Variants in SLC9A9 observed in about 807,000 individuals in gnomAD.
The protein encoded by SLC9A9 is solute carrier family 9 member A9.
In SLC9A9, 62 loss-of-function variants were observed where a neutral mutation model predicts 77.8. The ratio of observed to expected loss-of-function variants is 0.80; its 90% CI spans 0.65 to 0.98. The LOEUF is 0.98. Among genes scored for constraint, SLC9A9 ranks in the 50% least tolerant of loss-of-function variants. SLC9A9 has a pLI of 0.00. For synonymous variants in SLC9A9, 320 were observed against 283.5 expected, an observed-to-expected ratio of 1.13 and a Z score of -1.29; for missense variants, 775 against 774.9, an observed-to-expected ratio of 1.00 and a Z score of 0.00.
intron 12 of SLC9A9, among the ~76,000 whole-genome samples, chr3:143,402,360 A>G (rs756824492): frequency 6.6e-6 from 1 of 152,140 alleles, no homozygotes; most frequent in Non-Finnish European, 1.5e-5. Context: ...ATAACAATGT[A>G]AAGTGAACTT....
At chr3:143,326,703 A>T (rs1285852307) in intron 14 of SLC9A9, among the ~76,000 whole-genome samples, 1 of 152,146 alleles carries the variant, frequency 6.6e-6, no homozygotes, top group Admixed American at 6.5e-5. Flanking sequence ...GCAAATAAGG[A>T]TCATACTGTG....
At chr3:143,802,419 C>A (rs13072218) in intron 2 of SLC9A9, among the ~76,000 whole-genome samples, 4 of 152,032 alleles carry the variant, frequency 2.6e-5, no homozygotes, top group African/African-American at 9.6e-5. Context: ...AGCTCAGGGA[C>A]TTGCCCCTGC....
intron 13 of SLC9A9, chr3:143,371,936 G>C: frequency 2.7e-6 from 1 of 373,440 alleles, no homozygotes; most frequent in Non-Finnish European, 5.3e-6. Context: ...ACCAAGCTGA[G>C]AATCAAATCA....
At chr3:143,667,111 A>T (rs1002384594) in intron 5 of SLC9A9, among the ~76,000 whole-genome samples, 50 of 152,254 alleles carry the variant, frequency 3.3e-4, no homozygotes, top group Non-Finnish European at 6.0e-4. Context: ...CTAAAACAGC[A>T]TGGTACTGGT....
At chr3:143,654,529 C>T (rs191461994) in intron 5 of SLC9A9, among the ~76,000 whole-genome samples, 114 of 152,350 alleles carry the variant, frequency 7.5e-4, no homozygotes, top group Admixed American at 4.0e-3. Context: ...TAAGTAATCT[C>T]TTTCTCCTTT....
intron 4 of SLC9A9, among the ~76,000 whole-genome samples, chr3:143,703,836 A>C (rs940708754): frequency 3.9e-5 from 6 of 152,164 alleles, no homozygotes; most frequent in African/African-American, 1.4e-4. Context: ...AAAAAAGAGA[A>C]TGAAGACTCA....
chr3:143,827,278 G>C (rs145198208), intron 2 of SLC9A9, among the ~76,000 whole-genome samples: 1 of 151,240 alleles, frequency 6.6e-6, no homozygotes, highest in Non-Finnish European at 1.5e-5. Flanking sequence ...TTTGACAAAT[G>C]GTGGTGGAAA....
At chr3:143,336,545 A>G (rs2031930038) in intron 14 of SLC9A9, among the ~76,000 whole-genome samples, 1 of 152,184 alleles carries the variant, frequency 6.6e-6, no homozygotes, top group African/African-American at 2.4e-5. Context: ...AATACATACA[A>G]TAGGATATTC....
At chr3:143,480,315 G>A (rs2035552548) in intron 11 of SLC9A9, among the ~76,000 whole-genome samples, 1 of 152,166 alleles carries the variant, frequency 6.6e-6, no homozygotes, top group South Asian at 2.1e-4. Context: ...CAAGTGTATG[G>A]GGCAGGCCAC....
chr3:143,529,570 T>C (rs2036468988), intron 9 of SLC9A9, among the ~76,000 whole-genome samples: 1 of 152,106 alleles, frequency 6.6e-6, no homozygotes, highest in South Asian at 2.1e-4. Flanking sequence ...AGCAGGGATT[T>C]TTACTCAAGA....
chr3:143,765,093 CTTTCTTTCTTTCCCTCTT>C (rs1452177506), intron 4 of SLC9A9, among the ~76,000 whole-genome samples: 1 of 144,126 alleles, frequency 6.9e-6, no homozygotes, highest in African/African-American at 2.6e-5. Context: ...TTCTTTCTCT[CTTTCTTTCTTTCCCTCTT>C]TTTCTTTCTT....
intron 12 of SLC9A9, among the ~76,000 whole-genome samples, chr3:143,416,859 G>T (rs192149642): frequency 1.3e-5 from 2 of 152,124 alleles, no homozygotes; most frequent in East Asian, 3.8e-4. Context: ...GCATTCGCAC[G>T]TATATACATA....
At chr3:143,341,302 G>A (rs2032090717) in intron 14 of SLC9A9, among the ~76,000 whole-genome samples, 1 of 152,082 alleles carries the variant, frequency 6.6e-6, no homozygotes, top group Non-Finnish European at 1.5e-5. Context: ...CTGAGATGGG[G>A]TCGGTTTGGG....
At chr3:143,479,635 T>G (rs1180563400) in intron 11 of SLC9A9, among the ~76,000 whole-genome samples, 1 of 152,124 alleles carries the variant, frequency 6.6e-6, no homozygotes, top group Non-Finnish European at 1.5e-5. Context: ...TGATTGTCCT[T>G]AAATGGAGGG....
At chr3:143,411,258 T>C (rs1280742231) in intron 12 of SLC9A9, among the ~76,000 whole-genome samples, 2 of 152,194 alleles carry the variant, frequency 1.3e-5, no homozygotes, top group African/African-American at 4.8e-5. Flanking sequence ...CTAAGGTTTG[T>C]TTGTTTTTCC....
chr3:143,538,855 G>T (rs2036637932), intron 9 of SLC9A9, among the ~76,000 whole-genome samples: 1 of 152,096 alleles, frequency 6.6e-6, no homozygotes, highest in Admixed American at 6.5e-5. Context: ...GATCTCTAGG[G>T]GAAAAGAACT....
chr3:143,483,796 G>A (rs1195587938), intron 11 of SLC9A9, among the ~76,000 whole-genome samples: 1 of 152,082 alleles, frequency 6.6e-6, no homozygotes, highest in African/African-American at 2.4e-5. Flanking sequence ...TATGGTAGGT[G>A]TCACTGACCA....
intron 14 of SLC9A9, among the ~76,000 whole-genome samples, chr3:143,317,663 T>C (rs1162234698): frequency 2.4e-5 from 1 of 42,184 alleles, no homozygotes; most frequent in Admixed American, 2.4e-4. Flanking sequence ...TATGTATTTC[T>C]CAGGTTTGAA....
rs986730840 is a variant in SLC9A9, at chr3:143,711,878, A to G, written c.534-18571T>C. On this transcript the variant is annotated intron_variant, in intron 4 of 15. Coordinates refer to ENST00000316549, the MANE Select transcript of SLC9A9 (RefSeq NM_173653.4). ...TCACAAGTGTCTCTGACATAATACT[A>G]ACTGACCAAACTCCAGGGCTAGAGC... 2.0e-5 allele frequency among the ~76,000 whole-genome samples: 3 copies of G among 152,324 alleles called. 1 individual carries two copies. The South Asian group carries it at 6.2e-4, about 32-fold the overall frequency.
Sources: gnomAD v4.1 joint callset for allele counts (sites outside exome capture counted in the v4.1 genomes callset) on GRCh38, gnomAD v4.1.1 for gene constraint, MANE v1.5 for transcripts, NCBI Gene and HGNC (gene_info 2026-07-23, HGNC 2026-07-21) for gene names.